CAMK1G: variants seen among roughly 807,000 people sequenced by gnomAD.
The protein encoded by CAMK1G is calcium/calmodulin dependent protein kinase IG.
CAMK1G carries 27 observed loss-of-function variants against 54.8 expected under a neutral mutation model. That is an observed-to-expected ratio of 0.49 (90% CI 0.36 to 0.68). The LOEUF is 0.68. Ranked by LOEUF, CAMK1G falls within the 30% of genes least tolerant of loss-of-function variation. The pLI, the probability that CAMK1G is intolerant of heterozygous loss-of-function variation, is 0.00. For synonymous variants in CAMK1G, 238 were observed against 224.9 expected, an observed-to-expected ratio of 1.06 and a Z score of -0.52; for missense variants, 512 against 591.0, an observed-to-expected ratio of 0.87 and a Z score of 1.39.
In CAMK1G at chr1:209,613,333, T is replaced by G. The variant is rs1173602707; in HGVS notation, c.*331T>G. The G allele has an allele frequency of 6.0e-6, 1 of 165,874 alleles. No individual in the cohort carries two copies. The highest frequency in any genetic ancestry group is 1.3e-5 in the Non-Finnish European group (1 of 75,356). The allele number at this position is 165,874 out of a possible 1,614,324, so 10.3% of individuals were successfully genotyped here. On this transcript the variant is annotated 3_prime_UTR_variant, in exon 13 of 13. Transcript: ENST00000361322. ...GCTCTGTGCAGTGTACGTAGATAGC[T>G]CTCGCCTGGGTCTGTGCTGTTTGTC...
chr1:209,601,189 G>A (rs1665518165), intron 3 of CAMK1G, among the ~76,000 whole-genome samples: 1 of 152,124 alleles, frequency 6.6e-6, no homozygotes, highest in African/African-American at 2.4e-5. Context: ...AGGACAGGAG[G>A]CTAATTATAA....
At chr1:209,597,175 G>T (rs979253772) in intron 2 of CAMK1G, among the ~76,000 whole-genome samples, 6 of 152,174 alleles carry the variant, frequency 3.9e-5, no homozygotes. Context: ...TATGAAAAAG[G>T]TGCTCTTTTA....
chr1:209,606,544 T>G (rs1054218595), intron 6 of CAMK1G, 101 bp downstream of exon 6: 1 of 1,323,982 alleles, frequency 7.6e-7, no homozygotes, highest in African/African-American at 1.5e-5. Context: ...GGGTTCAACT[T>G]CAGGGGCTAT....
intron 4 of CAMK1G, among the ~76,000 whole-genome samples, chr1:209,603,970 G>A (rs1381264176): frequency 1.3e-5 from 2 of 152,070 alleles, no homozygotes; most frequent in African/African-American, 4.8e-5. Context: ...TGTAGAGGTT[G>A]GTCAGTGTTC....
intron 1 of CAMK1G, among the ~76,000 whole-genome samples, chr1:209,588,880 T>C (rs1665174809): frequency 6.6e-6 from 1 of 152,124 alleles, no homozygotes; most frequent in African/African-American, 2.4e-5. Flanking sequence ...ACTGGGAGCA[T>C]GGAAAGGGCT....
At chr1:209,590,919 C>G (rs143904457) in intron 1 of CAMK1G, among the ~76,000 whole-genome samples, 278 of 152,144 alleles carry the variant, frequency 1.8e-3, no homozygotes, top group African/African-American at 6.1e-3. Flanking sequence ...ATAAGATTAA[C>G]ATGCAATAAT....
Position 209,612,018 on chromosome 1 carries a change from C to T in CAMK1G, c.1142C>T (p.Pro381Leu). Reference protein sequence around the residue: ...TQLPCQHGRRPTAPGGRSLNC... With the variant: ...TQLPCQHGRRLTAPGGRSLNC... Reference sequence around the variant, plus strand: ...TTACCCTGCCAGCATGGCCGCCGGCCCACTGCCCCTGGTGGCAGGTCCCTC... The same window carrying T: ...TTACCCTGCCAGCATGGCCGCCGGCTCACTGCCCCTGGTGGCAGGTCCCTC... The change falls in exon 11 of 13, where the codon CCC (proline) becomes CTC (leucine). Residue 381 changes from proline (P) to leucine (L), a missense_variant. Pro to Leu is a moderately conservative substitution (Grantham distance 98, BLOSUM62 -3). Coordinates refer to ENST00000361322, the MANE Select transcript of CAMK1G (RefSeq NM_020439.3). 6.2e-7 allele frequency: 1 copy of T among 1,614,228 alleles called. No individual in the cohort carries two copies.
intron 1 of CAMK1G, among the ~76,000 whole-genome samples, chr1:209,592,360 A>C (rs1488848765): frequency 1.3e-5 from 2 of 148,938 alleles, no homozygotes; most frequent in Admixed American, 6.7e-5. Context: ...AAAAAAAAAA[A>C]AAAACTCCAG....
chr1:209,593,496 A>G (rs1401652277), intron 1 of CAMK1G, among the ~76,000 whole-genome samples: 1 of 152,158 alleles, frequency 6.6e-6, no homozygotes, highest in African/African-American at 2.4e-5. Flanking sequence ...GAATATCCAA[A>G]GGAACAGAGA....
intron 5 of CAMK1G, among the ~76,000 whole-genome samples, chr1:209,606,061 T>C (rs188770948): frequency 7.2e-5 from 11 of 151,976 alleles, no homozygotes; most frequent in South Asian, 4.2e-4. Flanking sequence ...AACAGGGTAG[T>C]TGGAAGTGAG....
chr1:209,608,803 A>G (rs1246308221), intron 7 of CAMK1G, among the ~76,000 whole-genome samples, 177 bp from the exon 8 acceptor site: 1 of 152,110 alleles, frequency 6.6e-6, no homozygotes, highest in African/African-American at 2.4e-5. Context: ...TTGCATAAAC[A>G]CTTTACGGGA....
intron 1 of CAMK1G, among the ~76,000 whole-genome samples, chr1:209,592,412 C>T (rs1417721117): frequency 1.3e-5 from 2 of 151,010 alleles, no homozygotes; most frequent in East Asian, 3.9e-4. Flanking sequence ...ACATTAACAC[C>T]AGAGAGGTGC....
rs148374403 is a variant in CAMK1G, at chr1:209,605,626, G to A, written c.387G>A (p.Ser129=). Residue 129 remains serine, a synonymous_variant, in exon 5 of 13, where the codon TCG becomes TCA. Coordinates refer to ENST00000361322, the MANE Select transcript of CAMK1G (RefSeq NM_020439.3). ...GTCTGGTGATCCAGCAGGTCTTGTC[G>A]GCAGTGAAATACCTACATGAGAATG... The part of the protein sequence containing the change: ...DASLVIQQVL[S]AVKYLHENGI... The A allele has an allele frequency of 3.7e-4, 597 of 1,614,074 alleles. 2 individuals are homozygous for A. Among genetic ancestry groups the A allele is most frequent in the South Asian group, 2.0e-3 (184 of 91,076 alleles).
Position 209,609,885 on chromosome 1 carries a change from T to C in CAMK1G, c.783T>C (p.Asp261=). The change falls in exon 9 of 13, where the codon GAT becomes GAC. Residue 261 remains aspartate, a synonymous_variant. Transcript: ENST00000361322. The stretch of plus-strand genomic sequence containing the variant: ...TTATTTGCCACTTGCTTGAGAAGGA[T>C]CCGAACGAGCGGTACACCTGTGAGA... The part of the protein sequence containing the change: ...KDFICHLLEK[D]PNERYTCEKA... 4 of 1,614,130 alleles carry C rather than the reference T, an allele frequency of 2.5e-6. No individual in the cohort carries two copies. Among genetic ancestry groups the C allele is most frequent in the Non-Finnish European group, 3.4e-6 (4 of 1,180,010 alleles).
chr1:209,587,289 C>A (rs1200638271), intron 1 of CAMK1G, among the ~76,000 whole-genome samples: 1 of 151,898 alleles, frequency 6.6e-6, no homozygotes, highest in Non-Finnish European at 1.5e-5. Flanking sequence ...GAGGGCTGCT[C>A]GAAATTTCAT....
chr1:209,593,169 T>C (rs1665298383), intron 1 of CAMK1G, among the ~76,000 whole-genome samples: 1 of 152,228 alleles, frequency 6.6e-6, no homozygotes, highest in South Asian at 2.1e-4. Context: ...AACTGGTAAC[T>C]AGCAAAGGTA....
intron 11 of CAMK1G, 132 bp downstream of exon 11, chr1:209,612,348 G>A (rs527591836): frequency 1.0e-6 from 1 of 964,268 alleles, no homozygotes; most frequent in African/African-American, 1.7e-5. Context: ...AGTTCTGGAT[G>A]AGGGGGCAAG....
At chr1:209,603,908 G>A (rs773977000) in intron 4 of CAMK1G, among the ~76,000 whole-genome samples, 1 of 152,152 alleles carries the variant, frequency 6.6e-6, no homozygotes, top group South Asian at 2.1e-4. Context: ...CATTAGCAAG[G>A]TCTCTGCGTC....
intron 9 of CAMK1G, among the ~76,000 whole-genome samples, chr1:209,610,412 C>T (rs1665754436): frequency 6.6e-6 from 1 of 152,204 alleles, no homozygotes; most frequent in Non-Finnish European, 1.5e-5. Context: ...TAGCTCCCCA[C>T]TTCATACCCC....
Sources: gnomAD v4.1 joint callset for allele counts (sites outside exome capture counted in the v4.1 genomes callset) on GRCh38, gnomAD v4.1.1 for gene constraint, MANE v1.5 for transcripts, NCBI Gene and HGNC (gene_info 2026-07-23, HGNC 2026-07-21) for gene names.